Variants in TBC1D31 observed in about 807,000 individuals in gnomAD.
The protein encoded by TBC1D31 is TBC1 domain family member 31, also known as WD repeat domain 67.
A neutral mutation model predicts 132.9 loss-of-function variants in TBC1D31; 99 were observed. The ratio of observed to expected loss-of-function variants is 0.74; its 90% CI spans 0.63 to 0.88. The LOEUF (loss-of-function observed/expected upper bound fraction) is 0.88. Among genes scored for constraint, TBC1D31 ranks in the 40% least tolerant of loss-of-function variants. The pLI is 0.00. For missense variants in TBC1D31, 1,134 were observed against 1,256.6 expected (o/e 0.90, Z 1.48); for synonymous variants, 385 against 419.4 (o/e 0.92, Z 1.00).
At chr8:123,163,904 T>C in the TBC1D31 span, among the ~76,000 whole-genome samples, 3 of 152,216 alleles carry the variant, frequency 2.0e-5, no homozygotes, top group African/African-American at 7.2e-5. Flanking sequence ...ACTTTCTAGC[T>C]CCAAAACTTT....
chr8:123,109,594 T>A lies in TBC1D31; in HGVS notation c.1410T>A (p.Ser470Arg). 6.2e-7 allele frequency: 1 copy of A among 1,613,670 alleles called. No individual in the cohort carries two copies. Among genetic ancestry groups the A allele is most frequent in the Non-Finnish European group, 8.5e-7 (1 of 1,179,872 alleles). ...TTCAGAAGAAATACCCCATCAAAAG[T>A]AGGAAGCTACTCAGAGTATTACAGA... ...LNLQKKYPIK[S>R]RKLLRVLQRT... Residue 470 changes from serine (S) to arginine (R), a missense_variant, in exon 10 of 22, where the codon AGT (serine) becomes AGA (arginine). Transcript: ENST00000287380.
At chr8:123,164,627 C>A in the TBC1D31 span, among the ~76,000 whole-genome samples, 4 of 151,802 alleles carry the variant, frequency 2.6e-5, no homozygotes, top group African/African-American at 9.7e-5. Context: ...GAGGCTGAGA[C>A]AGGAGAATCT....
chr8:123,157,804 C>A, the TBC1D31 span, among the ~76,000 whole-genome samples: 17 of 152,274 alleles, frequency 1.1e-4, no homozygotes. Flanking sequence ...CCTCCCGGCG[C>A]CCCAGGTTTC....
intron 8 of TBC1D31, among the ~76,000 whole-genome samples, chr8:123,106,993 C>T (rs561857375): frequency 6.6e-6 from 1 of 152,288 alleles, no homozygotes; most frequent in African/African-American, 2.4e-5. Context: ...GAAATATTGT[C>T]TACCAGGGAA....
At chr8:123,140,191 C>G (rs1821503459) in intron 17 of TBC1D31, among the ~76,000 whole-genome samples, 1 of 152,150 alleles carries the variant, frequency 6.6e-6, no homozygotes, top group Non-Finnish European at 1.5e-5. Context: ...GAAACCCTGT[C>G]TCTACTAAAA....
chr8:123,072,765 T>C lies in TBC1D31; in HGVS notation c.-5T>C. On this transcript the variant is annotated 5_prime_UTR_variant, in exon 1 of 22. Coordinates refer to ENST00000287380, the MANE Select transcript of TBC1D31 (RefSeq NM_145647.4). Reference sequence around the variant, plus strand: ...GGCCGCCGGCGGTCGTGGGCAAGCTTCGCCATGCAGAGCACTGACCTAGGC... The same window carrying C: ...GGCCGCCGGCGGTCGTGGGCAAGCTCCGCCATGCAGAGCACTGACCTAGGC... 1 of 1,560,624 alleles carries C rather than the reference T, an allele frequency of 6.4e-7. No homozygotes were observed. The highest frequency in any genetic ancestry group is 8.7e-7 in the Non-Finnish European group (1 of 1,152,608).
At chr8:123,124,320 TAAAGTCTTTTGGTTTAAC>T (rs1819807659) in intron 11 of TBC1D31, among the ~76,000 whole-genome samples, 1 of 152,210 alleles carries the variant, frequency 6.6e-6, no homozygotes, top group African/African-American at 2.4e-5. Flanking sequence ...TGACCAGACA[TAAAGTCTTTTGGTTTAAC>T]AAAGACTCTC....
chr8:123,100,739 G>T, intron 6 of TBC1D31, 68 bp from the exon 7 acceptor site: 2 of 1,213,100 alleles, frequency 1.6e-6, no homozygotes, highest in South Asian at 1.2e-5. Context: ...GTAAAGACGT[G>T]TATATAGTAG....
At chr8:123,111,100 T>C (rs1351475860) in intron 10 of TBC1D31, among the ~76,000 whole-genome samples, 3 of 152,164 alleles carry the variant, frequency 2.0e-5, no homozygotes, top group African/African-American at 4.8e-5. Flanking sequence ...GGTTTTTTTT[T>C]TCCCCCCTTT....
the TBC1D31 span, among the ~76,000 whole-genome samples, chr8:123,157,771 C>T: frequency 1.3e-5 from 2 of 152,166 alleles, no homozygotes; most frequent in African/African-American, 4.8e-5. Context: ...CTGCAGACCC[C>T]AGATCCCGCC....
At chr8:123,100,558 A>G (rs1817295392) in intron 6 of TBC1D31, among the ~76,000 whole-genome samples, 1 of 152,044 alleles carries the variant, frequency 6.6e-6, no homozygotes, top group East Asian at 1.9e-4. Context: ...CCTGGGCAAC[A>G]AGAGTAAAAT....
intron 2 of TBC1D31, 94 bp downstream of exon 2, chr8:123,077,351 T>G (rs1018964991): frequency 1.7e-5 from 22 of 1,292,626 alleles, no homozygotes; most frequent in Non-Finnish European, 1.9e-5. Context: ...TCAGAAAGAT[T>G]TATTAAGTTC....
chr8:123,106,651 G>A (rs1310971113), intron 8 of TBC1D31, among the ~76,000 whole-genome samples: 1 of 152,028 alleles, frequency 6.6e-6, no homozygotes, highest in Non-Finnish European at 1.5e-5. Context: ...TTTTCTTTAA[G>A]CATTTTTTAA....
chr8:123,116,522 A>T (rs1818920987), intron 10 of TBC1D31, among the ~76,000 whole-genome samples: 1 of 152,224 alleles, frequency 6.6e-6, no homozygotes, highest in Admixed American at 6.5e-5. Flanking sequence ...TTCTTAACGT[A>T]TATGCAGATA....
At position 123,082,759 on chromosome 8, in the gene TBC1D31, T is replaced by C. The variant is rs1467926115; in HGVS notation, c.282T>C (p.Arg94=). Residue 94 remains arginine, a synonymous_variant, in exon 3 of 22, where the codon CGT becomes CGC. Coordinates refer to ENST00000287380, the MANE Select transcript of TBC1D31 (RefSeq NM_145647.4). ...QACTALAFNL[R]RKSEFLVALA... ...GCACAGCTCTGGCCTTTAATCTTCG[T>C]AGGAAATCTGAATTCCTTGTGGCAT... 6.2e-7 allele frequency: 1 copy of C among 1,613,450 alleles called. No individual in the cohort carries two copies. Among genetic ancestry groups the C allele is most frequent in the African/African-American group, 1.3e-5 (1 of 75,068 alleles).
intron 6 of TBC1D31, 49 bp from the exon 7 acceptor site, chr8:123,100,758 G>C (rs750971633): frequency 1.4e-6 from 2 of 1,452,408 alleles, no homozygotes; most frequent in Non-Finnish European, 1.9e-6. Context: ...AGGACTTTCA[G>C]ACATTGACTA....
chr8:123,126,270 A>T lies in TBC1D31; in HGVS notation c.1704+81A>T. 6.1e-6 allele frequency: 9 copies of T among 1,474,438 alleles called. 1 individual carries two copies. The Admixed American group carries it at 2.0e-4, about 33-fold the overall frequency. The allele number at this position is 1,474,438 out of a possible 1,614,324, so 91.3% of individuals were successfully genotyped here. A position where few individuals can be genotyped will look rare whatever the true frequency, so the allele number is the denominator to read the frequency against. ...TTCTGGTATAAACAGTCTTTTCTTG[A>T]AGGAGTATAATAAAAAGCATACTAC... is the stretch of plus-strand genomic sequence containing the variant. On this transcript the variant is annotated intron_variant, in intron 12 of 21. Transcript: ENST00000287380.
intron 6 of TBC1D31, 58 bp from the exon 7 acceptor site, chr8:123,100,749 G>A (rs987291493): frequency 3.6e-5 from 49 of 1,350,520 alleles, no homozygotes; most frequent in Non-Finnish European, 4.9e-5. Flanking sequence ...GTATATAGTA[G>A]GACTTTCAGA....
chr8:123,116,310 T>TA (rs1248158694), intron 10 of TBC1D31, among the ~76,000 whole-genome samples: 1 of 152,088 alleles, frequency 6.6e-6, no homozygotes, highest in Non-Finnish European at 1.5e-5. Flanking sequence ...AATTCCTTTT[T>TA]AAAAAAACAA....
Sources: allele counts gnomAD v4.1 joint callset (sites outside exome capture counted in the v4.1 genomes callset), GRCh38; gene constraint gnomAD v4.1.1; transcripts MANE v1.5; gene names NCBI Gene and HGNC (gene_info 2026-07-23, HGNC 2026-07-21).